SINHCAF: variants seen among roughly 807,000 people sequenced by gnomAD.
SINHCAF encodes the protein SIN3-HDAC complex-associated factor.
Under a neutral mutation model 25.8 loss-of-function variants are expected in SINHCAF, and 3 were observed. That is an observed-to-expected ratio of 0.12 (90% CI 0.05 to 0.30). The LOEUF (loss-of-function observed/expected upper bound fraction) is 0.30. Ranked by LOEUF, SINHCAF falls within the 10% of genes least tolerant of loss-of-function variation. The probability of loss-of-function intolerance (pLI) is 1.00; values close to 1 mark genes in which losing one functional copy is unlikely to be tolerated. For missense variants in SINHCAF, 121 were observed against 262.3 expected, an observed-to-expected ratio of 0.46 and a Z score of 3.72; for synonymous variants, 70 against 85.5, an observed-to-expected ratio of 0.82 and a Z score of 1.00.
chr12:31,295,691 A>G (rs954481124), intron 2 of SINHCAF, among the ~76,000 whole-genome samples: 1 of 149,810 alleles, frequency 6.7e-6, no homozygotes, highest in East Asian at 2.0e-4. Flanking sequence ...CCAACATGAC[A>G]AAATCCCGTG....
chr12:31,309,752 G>A (rs1008014772), intron 1 of SINHCAF, among the ~76,000 whole-genome samples: 3 of 140,598 alleles, frequency 2.1e-5, no homozygotes, highest in African/African-American at 5.4e-5. Flanking sequence ...CGCAACCTCC[G>A]CCTCCCAGGT....
chr12:31,302,332 A>C (rs1353920347), intron 1 of SINHCAF, among the ~76,000 whole-genome samples: 1 of 152,032 alleles, frequency 6.6e-6, no homozygotes, highest in African/African-American at 2.4e-5. Context: ...AGTGAATCTT[A>C]TGGTATATAA....
At chr12:31,318,850 T>C (rs1171429449) in intron 1 of SINHCAF, among the ~76,000 whole-genome samples, 1 of 152,232 alleles carries the variant, frequency 6.6e-6, no homozygotes, top group Non-Finnish European at 1.5e-5. Context: ...TCTTTACAAC[T>C]AAATAGGAAG....
chr12:31,310,653 C>T (rs1414443838), intron 1 of SINHCAF, among the ~76,000 whole-genome samples: 1 of 152,150 alleles, frequency 6.6e-6, no homozygotes, highest in Non-Finnish European at 1.5e-5. Context: ...TTAGTTCTGG[C>T]CATCACCTAG....
intron 4 of SINHCAF, among the ~76,000 whole-genome samples, chr12:31,289,816 A>C (rs1459353543): frequency 6.8e-6 from 1 of 146,390 alleles, no homozygotes; most frequent in Non-Finnish European, 1.5e-5. Flanking sequence ...TTTTTTTTTT[A>C]ATTATTTTTA....
chr12:31,282,652 T>A lies in SINHCAF; in HGVS notation c.*60A>T, dbSNP rs1937851401. The A allele has an allele frequency of 2.1e-6, 3 of 1,417,758 alleles. No homozygotes were observed. Among genetic ancestry groups the A allele is most frequent in the Middle Eastern group, 3.7e-4 (2 of 5,370 alleles). 87.8% of individuals were successfully genotyped at this position (1,417,758 alleles called of 1,614,324 possible). A position where few individuals can be genotyped will look rare whatever the true frequency, so the allele number is the denominator to read the frequency against. Reference sequence around the variant, plus strand: ...AAAAAAGAGGGTCAGTTTGTAGCTTTGTGGTTTTTCAAAATTCAGATATTT... The same window carrying A: ...AAAAAAGAGGGTCAGTTTGTAGCTTAGTGGTTTTTCAAAATTCAGATATTT... On this transcript the variant is annotated 3_prime_UTR_variant, in exon 6 of 6. Transcript: ENST00000337682.
At chr12:31,283,582 G>A (rs145998210) in intron 5 of SINHCAF, among the ~76,000 whole-genome samples, 2,478 of 151,816 alleles carry the variant, frequency 0.016, 34 homozygotes, top group South Asian at 0.033. Context: ...TAGCCTGGGA[G>A]ACAGAGCAAA....
chr12:31,313,877 A>T (rs1667133588), intron 1 of SINHCAF, among the ~76,000 whole-genome samples: 1 of 151,114 alleles, frequency 6.6e-6, no homozygotes, highest in Non-Finnish European at 1.5e-5. Flanking sequence ...CTGGTCTCGA[A>T]CTCCTGACCT....
At position 31,282,558 on chromosome 12, in the gene SINHCAF, G is replaced by A. The variant is rs182149687; in HGVS notation, c.*154C>T. 3.4e-3 allele frequency: 1,866 copies of A among 545,434 alleles called. 6 individuals carry two copies. Among genetic ancestry groups the A allele is most frequent in the Non-Finnish European group, 4.6e-3 (1,462 of 320,484 alleles). The allele number at this position is 545,434 out of a possible 1,614,324, so 33.8% of individuals were successfully genotyped here. A position where few individuals can be genotyped will look rare whatever the true frequency, so the allele number is the denominator to read the frequency against. ...AATCACTTGAACCCGGGAGACGGAA[G>A]TTGCAGTGAGCCAAGATCACGCCAC... On this transcript the variant is annotated 3_prime_UTR_variant, in exon 6 of 6. Transcript: ENST00000337682.
intron 5 of SINHCAF, among the ~76,000 whole-genome samples, chr12:31,283,493 C>T (rs1387928652): frequency 3.9e-5 from 6 of 151,940 alleles, no homozygotes; most frequent in East Asian, 1.9e-4. Context: ...GTCCCAGCTA[C>T]TTGGGAGACT....
At chr12:31,286,596 G>C (rs1166635060) in intron 5 of SINHCAF, among the ~76,000 whole-genome samples, 1 of 151,000 alleles carries the variant, frequency 6.6e-6, no homozygotes, top group African/African-American at 2.4e-5. Flanking sequence ...CCGGGAGGCA[G>C]AGGCTGCAGT....
At chr12:31,313,238 G>T (rs1939350804) in intron 1 of SINHCAF, among the ~76,000 whole-genome samples, 2 of 152,060 alleles carry the variant, frequency 1.3e-5, no homozygotes, top group African/African-American at 4.8e-5. Context: ...TATTGGCCAG[G>T]CTGGTCTCGA....
At chr12:31,309,990 A>AT (rs150777994) in intron 1 of SINHCAF, among the ~76,000 whole-genome samples, 2 of 152,186 alleles carry the variant, frequency 1.3e-5, no homozygotes, top group Non-Finnish European at 2.9e-5. Flanking sequence ...TTATGAGGGC[A>AT]TTTTTTGGTT....
intron 1 of SINHCAF, among the ~76,000 whole-genome samples, chr12:31,301,719 A>C (rs1026228819): frequency 2.6e-5 from 4 of 152,144 alleles, no homozygotes; most frequent in Admixed American, 6.5e-5. Context: ...AATTATTTCC[A>C]AAAATCTACA....
At chr12:31,295,822 A>G (rs1309957814) in intron 2 of SINHCAF, among the ~76,000 whole-genome samples, 1 of 152,000 alleles carries the variant, frequency 6.6e-6, no homozygotes, top group Admixed American at 6.6e-5. Flanking sequence ...CAGTGAGCCA[A>G]GATTGTACCA....
At chr12:31,285,219 C>T (rs914106941) in intron 5 of SINHCAF, among the ~76,000 whole-genome samples, 2 of 152,032 alleles carry the variant, frequency 1.3e-5, no homozygotes, top group Non-Finnish European at 2.9e-5. Flanking sequence ...GAAACCCAAT[C>T]TCTACTAAAA....
At chr12:31,323,832 C>G (rs1939816267) in intron 1 of SINHCAF, 3 of 423,962 alleles carry the variant, frequency 7.1e-6, no homozygotes, top group Admixed American at 2.5e-5. Flanking sequence ...GCTGGGTCCC[C>G]TGGACTTGCG....
At chr12:31,295,202 G>A (rs747295384) in intron 3 of SINHCAF, 32 bp downstream of exon 3, 2 of 1,255,020 alleles carry the variant, frequency 1.6e-6, no homozygotes, top group Non-Finnish European at 2.3e-6. Flanking sequence ...TACAGTAGAG[G>A]TATAATTGAG....
At position 31,324,965 on chromosome 12, in the gene SINHCAF, C is replaced by G. The variant is rs1451133919; in HGVS notation, c.-21+1059G>C. On this transcript the variant is annotated intron_variant, in intron 1 of 5. Coordinates refer to ENST00000337682, the MANE Select transcript of SINHCAF (RefSeq NM_001135812.2). The surrounding 1 kb of genome is among the most constrained non-coding windows in gnomAD (Gnocchi z 5.5). ...CATTGTCCTGCCGGCCGGACCTGCC[C>G]GACGGCGGCCGCATCCCACGGCTCA... 8 of 456,460 alleles carry G rather than the reference C, an allele frequency of 1.8e-5. No individual in the cohort carries two copies. Among genetic ancestry groups the G allele is most frequent in the Non-Finnish European group, 3.1e-5 (7 of 226,876 alleles). 28.3% of individuals were successfully genotyped at this position (456,460 alleles called of 1,614,324 possible).
Sources: gnomAD v4.1 joint callset for allele counts (sites outside exome capture counted in the v4.1 genomes callset) on GRCh38, gnomAD v4.1.1 for gene constraint, Gnocchi (gnomAD v3.1) non-coding constraint, MANE v1.5 for transcripts, NCBI Gene and HGNC (gene_info 2026-07-23, HGNC 2026-07-21) for gene names.